KCP: variants seen among roughly 807,000 people sequenced by gnomAD.
The protein encoded by KCP is kielin cysteine rich BMP regulator.
In KCP, 194 loss-of-function variants were observed where a neutral mutation model predicts 212.7. The observed-to-expected ratio is 0.91, with a 90% CI of 0.81 to 1.03. The LOEUF (loss-of-function observed/expected upper bound fraction) is 1.03. Among genes scored for constraint, KCP ranks in the 50% least tolerant of loss-of-function variants. KCP has a pLI of 0.00. For missense variants in KCP, 2,080 were observed against 2,162.5 expected, an observed-to-expected ratio of 0.96 and a Z score of 0.76; for synonymous variants, 833 against 865.3, an observed-to-expected ratio of 0.96 and a Z score of 0.65.
chr7:128,887,613 C>A (rs1793746489), intron 22 of KCP, among the ~76,000 whole-genome samples: 1 of 146,178 alleles, frequency 6.8e-6, no homozygotes. Flanking sequence ...ACACCTACAC[C>A]CCCCCACACA....
At chr7:128,901,748 T>C (rs746867117) in intron 8 of KCP, among the ~76,000 whole-genome samples, 2 of 152,166 alleles carry the variant, frequency 1.3e-5, no homozygotes, top group African/African-American at 4.8e-5. Flanking sequence ...CCTGTAACAA[T>C]TGCAGTGGGG....
intron 5 of KCP, 135 bp from the exon 6 acceptor site, chr7:128,904,273 CAGG>C: frequency 6.4e-7 from 1 of 1,552,082 alleles, no homozygotes; most frequent in Non-Finnish European, 8.7e-7. Flanking sequence ...CAGGACAGGG[CAGG>C]AGGTCACCGG....
At chr7:128,897,339 T>A (rs1253363469) in intron 8 of KCP, among the ~76,000 whole-genome samples, 1 of 152,242 alleles carries the variant, frequency 6.6e-6, no homozygotes, top group African/African-American at 2.4e-5. Context: ...CTTGGGAACT[T>A]GACCTTGTAA....
chr7:128,908,291 A>G (rs1246815385), intron 2 of KCP, 135 bp downstream of exon 2: 1 of 633,724 alleles, frequency 1.6e-6, no homozygotes, highest in Non-Finnish European at 2.3e-6. Flanking sequence ...AGAAAGAAAG[A>G]AAGAAAGAAA....
intron 22 of KCP, among the ~76,000 whole-genome samples, chr7:128,887,653 AC>A (rs372376641): frequency 9.5e-5 from 14 of 147,144 alleles, no homozygotes; most frequent in African/African-American, 3.5e-4. Flanking sequence ...ACACAACCAC[AC>A]CCACATATAC....
At chr7:128,878,970 C>T (rs1793153610) in intron 37 of KCP, 2 of 512,440 alleles carry the variant, frequency 3.9e-6, no homozygotes, top group Non-Finnish European at 6.9e-6. Context: ...AGGGCACCTT[C>T]TCCTGCTGCC....
At chr7:128,891,595 G>A (rs1794141984) in intron 17 of KCP, 51 bp downstream of exon 17, 5 of 1,515,740 alleles carry the variant, frequency 3.3e-6, no homozygotes, top group Non-Finnish European at 3.5e-6. Flanking sequence ...GCTGCCTTCC[G>A]GGGGCCATGC....
intron 8 of KCP, among the ~76,000 whole-genome samples, chr7:128,895,277 A>G (rs972783383): frequency 1.9e-4 from 29 of 152,224 alleles, no homozygotes; most frequent in African/African-American, 5.3e-4. Flanking sequence ...ATGGACCTGA[A>G]AAAATAGTCC....
At position 128,891,537 on chromosome 7, in the gene KCP, G is replaced by A; in HGVS notation, c.1796-4C>T. The A allele has an allele frequency of 1.3e-6, 2 of 1,547,278 alleles. No homozygotes were observed. The highest frequency in any genetic ancestry group is 1.4e-5 in the African/African-American group (1 of 73,106). ...TCTTTCCCGCCAAAGGCACAGCCTG[G>A]GGGAGGGAGGGGCTATAGCCTGGGA... On this transcript the variant is annotated splice_polypyrimidine_tract_variant and splice_region_variant and intron_variant, in intron 17 of 39. Coordinates refer to ENST00000610776, the MANE Select transcript of KCP (RefSeq NM_001366122.1).
chr7:128,901,770 G>A (rs914964724), intron 8 of KCP, among the ~76,000 whole-genome samples: 3 of 152,214 alleles, frequency 2.0e-5, no homozygotes, highest in African/African-American at 7.2e-5. Flanking sequence ...TGGGTGCCCT[G>A]TAGCTTTCGC....
chr7:128,895,328 G>A (rs890037362), intron 8 of KCP, among the ~76,000 whole-genome samples: 11 of 152,180 alleles, frequency 7.2e-5, no homozygotes, highest in African/African-American at 2.7e-4. Context: ...GAAACAAGGG[G>A]GCTGGTGTGG....
intron 5 of KCP, chr7:128,904,359 C>T (rs1318617546): frequency 1.3e-6 from 2 of 1,551,634 alleles, no homozygotes; most frequent in Non-Finnish European, 1.7e-6. Flanking sequence ...CACGAGGGCC[C>T]CTGGCACTGC....
chr7:128,882,463 T>C (rs536755042), intron 29 of KCP, among the ~76,000 whole-genome samples: 25 of 152,332 alleles, frequency 1.6e-4, no homozygotes, highest in Non-Finnish European at 1.5e-4. Flanking sequence ...TGAGCCTCAG[T>C]TTCTTAATCT....
At chr7:128,887,464 TACAC>T (rs956821283) in intron 22 of KCP, among the ~76,000 whole-genome samples, 164 bp from the exon 23 acceptor site, 4 of 134,756 alleles carry the variant, frequency 3.0e-5, no homozygotes, top group East Asian at 2.3e-4. Context: ...CACAACCACA[TACAC>T]ACACACAGCC....
chr7:128,882,570 C>G (rs1224680485), intron 29 of KCP, among the ~76,000 whole-genome samples: 2 of 152,310 alleles, frequency 1.3e-5, no homozygotes, highest in Non-Finnish European at 2.9e-5. Flanking sequence ...TGGCATGGAA[C>G]AGGTGCTTAA....
chr7:128,882,148 A>G, intron 29 of KCP, 132 bp from the exon 30 acceptor site: 1 of 629,648 alleles, frequency 1.6e-6, no homozygotes, highest in Non-Finnish European at 2.8e-6. Context: ...CAGCACCTTG[A>G]CTCCAGGGAG....
intron 2 of KCP, among the ~76,000 whole-genome samples, chr7:128,908,006 G>T (rs1795210743): frequency 6.6e-6 from 1 of 151,676 alleles, no homozygotes; most frequent in Non-Finnish European, 1.5e-5. Flanking sequence ...GTGCACACTT[G>T]TAGTCCCAAC....
At chr7:128,894,916 C>T (rs1794425801) in intron 8 of KCP, among the ~76,000 whole-genome samples, 1 of 152,080 alleles carries the variant, frequency 6.6e-6, no homozygotes, top group African/African-American at 2.4e-5. Context: ...CAATATCCTT[C>T]TAAAAAGGGG....
chr7:128,890,506 C>T lies in KCP; in HGVS notation c.2172G>A (p.Leu724=), dbSNP rs780331798. The T allele has an allele frequency of 6.5e-7, 1 of 1,548,210 alleles. No homozygotes were observed. Among genetic ancestry groups the T allele is most frequent in the South Asian group, 1.2e-5 (1 of 83,948 alleles). Residue 724 remains leucine (L), a synonymous_variant, in exon 21 of 40, where the codon CTG becomes CTA. Coordinates refer to ENST00000610776, the MANE Select transcript of KCP (RefSeq NM_001366122.1). ...GPCCPSCDGC[L]YQGKEFASGE... ...CGCTGGCAAACTCCTTCCCCTGGTA[C>T]AGGCAGCCTGGGGAGAAGGGCAGGG...
Sources: allele counts gnomAD v4.1 joint callset (sites outside exome capture counted in the v4.1 genomes callset), GRCh38; gene constraint gnomAD v4.1.1; transcripts MANE v1.5; gene names NCBI Gene and HGNC (gene_info 2026-07-23, HGNC 2026-07-21).